The following ALDH3A1 variants were observed in gnomAD, a reference collection of about 807,000 sequenced individuals.
The protein encoded by ALDH3A1 is aldehyde dehydrogenase, dimeric NADP-preferring.
Under a neutral mutation model 49.9 loss-of-function variants are expected in ALDH3A1, and 46 were observed. The observed-to-expected ratio is 0.92, with a 90% confidence interval of 0.73 to 1.18. The LOEUF (loss-of-function observed/expected upper bound fraction) is 1.18. ALDH3A1 is among the 50% of genes most tolerant of loss of function. ALDH3A1 has a pLI of 0.00. For synonymous variants in ALDH3A1, 269 were observed against 253.3 expected (o/e 1.06, Z -0.59); for missense variants, 592 against 611.8 (o/e 0.97, Z 0.34).
chr17:19,744,878 C>T, intron 2 of ALDH3A1, 90 bp downstream of exon 2: 6 of 1,411,192 alleles, frequency 4.3e-6, no homozygotes, highest in Non-Finnish European at 5.5e-6. Flanking sequence ...CTTCCTGAAC[C>T]TCTCTGGGTC....
At chr17:19,742,309 C>T (rs1363031501) in intron 4 of ALDH3A1, 97 bp from the exon 5 acceptor site, 11 of 1,351,364 alleles carry the variant, frequency 8.1e-6, no homozygotes, top group South Asian at 2.6e-5. Context: ...CCAGCAGCCC[C>T]GAAGCTCAGC....
chr17:19,741,876 A>G, intron 5 of ALDH3A1, 128 bp downstream of exon 5: 1 of 937,170 alleles, frequency 1.1e-6, no homozygotes, highest in Non-Finnish European at 1.6e-6. Flanking sequence ...AGTTTCTGCA[A>G]GGACCACTGC....
At chr17:19,739,437 A>C in intron 8 of ALDH3A1, 71 bp downstream of exon 8, 1 of 1,515,672 alleles carries the variant, frequency 6.6e-7, no homozygotes, top group Non-Finnish European at 8.9e-7. Context: ...GAGAACAGTG[A>C]AGCTGCAGTT....
In ALDH3A1 at chr17:19,738,339, G is replaced by A. The variant is rs1209711099; in HGVS notation, c.1331C>T (p.Pro444Leu). 1 of 1,613,372 alleles carries A rather than the reference G, an allele frequency of 6.2e-7. No individual in the cohort carries two copies. The highest frequency in any genetic ancestry group is 8.5e-7 in the Non-Finnish European group (1 of 1,179,392). The change falls in exon 10 of 11, where the codon CCC becomes CTC. Residue 444 changes from proline (P) to leucine (L), a missense_variant. Transcript: ENST00000225740. ...CCCTCTCACCTTGGCCGGGCTCGGG[G>A]GGTATCTGACCTTCAGGCCTTCATC... is the stretch of plus-strand genomic sequence containing the variant. The part of the protein sequence containing the change: ...MNDEGLKVRY[P>L]PSPAKMTQH
In ALDH3A1 at chr17:19,744,902, C is replaced by CCG. The variant is rs1555546872; in HGVS notation, c.162+65_162+66insCG. 62 of 412,008 alleles carry CCG rather than the reference C, an allele frequency of 1.5e-4. 2 individuals are homozygous for CCG. The African/African-American group carries it at 2.0e-3, about 13-fold the overall frequency. The allele number at this position is 412,008 out of a possible 1,614,324, so 25.5% of individuals were successfully genotyped here. On this transcript the variant is annotated intron_variant, in intron 2 of 10. Transcript: ENST00000225740. ...CCTCTCTGGGTCGCACTCTCCCCAG[C>CCG]CCCTCCCCCCACGCCCCATCGCATG...
intron 5 of ALDH3A1, 55 bp from the exon 6 acceptor site, chr17:19,741,265 C>T (rs1366619271): frequency 8.7e-6 from 13 of 1,494,324 alleles, no homozygotes; most frequent in South Asian, 3.4e-5. Flanking sequence ...AGTTGCATCT[C>T]GTTTTGCAGA....
rs1261167368 is a variant in ALDH3A1 at position 19,743,074 on chromosome 17, G to T, written c.394+158C>A. ...CTGACTGGACCTCAGGCACCAAGAG[G>T]CCTGGCTAAACAGCTTGGTCCCCAC... On this transcript the variant is annotated intron_variant, in intron 3 of 10. Coordinates refer to ENST00000225740, the MANE Select transcript of ALDH3A1 (RefSeq NM_000691.5). This position sits in a 1 kb window ranked among gnomAD's most constrained non-coding sequence, Gnocchi z 4.4. 3 of 1,534,522 alleles carry T rather than the reference G, an allele frequency of 2.0e-6. No homozygotes were observed. In the Admixed American group the frequency reaches 5.9e-5, roughly 30 times the overall value.
At chr17:19,747,045 C>G (rs945712955) in intron 1 of ALDH3A1, among the ~76,000 whole-genome samples, 1 of 152,144 alleles carries the variant, frequency 6.6e-6, no homozygotes, top group Admixed American at 6.5e-5. Flanking sequence ...TTCCTTACTC[C>G]CCTTCCTGAG....
In ALDH3A1 at chr17:19,743,264, G is replaced by A. The variant is rs748624316; in HGVS notation, c.362C>T (p.Thr121Ile). Residue 121 changes from threonine to isoleucine, a missense_variant, in exon 3 of 11, where the codon ACC (threonine) becomes ATC (isoleucine). By Grantham distance (89) the Thr-to-Ile change is moderately conservative (BLOSUM62 -1). Transcript: ENST00000225740. The surrounding 1 kb of genome is among the most constrained non-coding windows in gnomAD (Gnocchi z 4.4). Reference sequence around the variant, plus strand: ...GATGGCGCCCACCATGGGCTGGATGGTGAGGTTGAAGGGGTAGTTCCAGGT... The same window carrying A: ...GATGGCGCCCACCATGGGCTGGATGATGAGGTTGAAGGGGTAGTTCCAGGT... ...IGTWNYPFNL[T>I]IQPMVGAIAA... The A allele has an allele frequency of 2.1e-5, 34 of 1,613,910 alleles. No homozygotes were observed. The African/African-American group carries it at 4.4e-4, about 21-fold the overall frequency.
At position 19,742,186 on chromosome 17, in the gene ALDH3A1, A is replaced by AC; in HGVS notation, c.506dup (p.Val170CysfsTer3). On this transcript the variant is annotated frameshift_variant, in exon 5 of 11. Coordinates refer to ENST00000225740, the MANE Select transcript of ALDH3A1 (RefSeq NM_000691.5). LOFTEE classifies it high-confidence loss of function. ...TGAGCAGCTCCGTGGTCTCAGGGAC[A>AC]CCCCCATTGATTACTGGGTACAGAT... 6.2e-7 allele frequency: 1 copy of AC among 1,613,944 alleles called. No individual in the cohort carries two copies. The highest frequency in any genetic ancestry group is 8.5e-7 in the Non-Finnish European group (1 of 1,179,972).
At chr17:19,738,880 A>G (rs1187348782) in intron 9 of ALDH3A1, 116 bp downstream of exon 9, 1 of 839,900 alleles carries the variant, frequency 1.2e-6, no homozygotes, top group Non-Finnish European at 1.9e-6. Flanking sequence ...CAAATGGAAG[A>G]GGCTAATGGG....
intron 7 of ALDH3A1, 151 bp from the exon 8 acceptor site, chr17:19,739,825 A>G (rs747892745): frequency 1.0e-6 from 1 of 963,780 alleles, no homozygotes; most frequent in Non-Finnish European, 1.5e-6. Context: ...GAGGTACCCT[A>G]GGCACCTGCG....
intron 3 of ALDH3A1, 86 bp from the exon 4 acceptor site, chr17:19,742,716 T>A: frequency 6.2e-7 from 1 of 1,602,020 alleles, no homozygotes; most frequent in South Asian, 1.1e-5. Flanking sequence ...AAGCCTCCCC[T>A]CCATTGTGTG....
At chr17:19,747,800 A>C (rs1282011221) in intron 1 of ALDH3A1, 1 of 153,034 alleles carries the variant, frequency 6.5e-6, no homozygotes, top group African/African-American at 2.4e-5. Flanking sequence ...CATCCTCACA[A>C]AAGCTCTGTA....
At chr17:19,744,595 G>GC (rs766565922) in intron 2 of ALDH3A1, 5 of 985,250 alleles carry the variant, frequency 5.1e-6, no homozygotes, top group South Asian at 4.7e-5. Flanking sequence ...GGAGGGGAGA[G>GC]CCCCCCATGC....
Position 19,739,055 on chromosome 17 carries a change from ACCCCACCACTGGATGT to A in ALDH3A1, c.1141_1156del (p.Thr381TrpfsTer45), listed in dbSNP as rs749818603. The A allele has an allele frequency of 3.2e-5, 52 of 1,613,752 alleles. No individual in the cohort carries two copies. Among genetic ancestry groups the A allele is most frequent in the South Asian group, 4.4e-5 (4 of 91,052 alleles). On this transcript the variant is annotated frameshift_variant, in exon 9 of 11. Transcript: ENST00000225740. LOFTEE classifies it high-confidence loss of function. ...GTGGACGATGACATCGTTGGCCGCC[ACCCCACCACTGGATGT>A]CTCTGCAATCATCTTCTTAATCACC...
rs775620094 is a variant in ALDH3A1 at position 19,739,676 on chromosome 17, TGAG to T, written c.950-5_950-3del. 15 of 1,613,416 alleles carry T rather than the reference TGAG, an allele frequency of 9.3e-6. No individual in the cohort carries two copies. The African/African-American group carries it at 1.9e-4, about 20-fold the overall frequency. On this transcript the variant is annotated splice_polypyrimidine_tract_variant and splice_region_variant and intron_variant, in intron 7 of 10. Transcript: ENST00000225740. ...CCACGTCCGTGAGGATGGTGGGGGC[TGAG>T]GCAGGAAACAAGCCAGAGTTGGACG...
In ALDH3A1 at chr17:19,748,270, C is replaced by G; in HGVS notation, c.-17G>C. 1 of 510,066 alleles carries G rather than the reference C, an allele frequency of 2.0e-6. No homozygotes were observed. Among genetic ancestry groups the G allele is most frequent in the Non-Finnish European group, 3.9e-6 (1 of 255,018 alleles). The allele number at this position is 510,066 out of a possible 1,614,324, so 31.6% of individuals were successfully genotyped here. On this transcript the variant is annotated 5_prime_UTR_variant, in exon 1 of 11. Coordinates refer to ENST00000225740, the MANE Select transcript of ALDH3A1 (RefSeq NM_000691.5). The surrounding 1 kb of genome is among the most constrained non-coding windows in gnomAD (Gnocchi z 4.4). ...GGGAAGAGGATTACCTTTGACACAGCCTCTCCCGGTAACTGGGGCTCCTGG... is the reference window on the plus strand; with the variant it reads ...GGGAAGAGGATTACCTTTGACACAGGCTCTCCCGGTAACTGGGGCTCCTGG...
chr17:19,743,094 C>G lies in ALDH3A1; in HGVS notation c.394+138G>C, dbSNP rs2086530866. 12 of 1,536,022 alleles carry G rather than the reference C, an allele frequency of 7.8e-6. No homozygotes were observed. The highest frequency in any genetic ancestry group is 1.0e-5 in the Non-Finnish European group (12 of 1,146,890). ...AAGAGGCCTGGCTAAACAGCTTGGT[C>G]CCCACAGCCTCCTGTGACAGACCCA... On this transcript the variant is annotated intron_variant, in intron 3 of 10. Coordinates refer to ENST00000225740, the MANE Select transcript of ALDH3A1 (RefSeq NM_000691.5). This position sits in a 1 kb window ranked among gnomAD's most constrained non-coding sequence, Gnocchi z 4.4.
Sources: gnomAD v4.1 joint callset for allele counts (sites outside exome capture counted in the v4.1 genomes callset) on GRCh38, gnomAD v4.1.1 for gene constraint, Gnocchi (gnomAD v3.1) non-coding constraint, MANE v1.5 for transcripts, NCBI Gene and HGNC (gene_info 2026-07-23, HGNC 2026-07-21) for gene names.